Variants in DNAH9 observed in about 807,000 individuals in gnomAD.
The protein encoded by DNAH9 is DNAH9 variant protein.
Under a neutral mutation model 471.6 loss-of-function variants are expected in DNAH9, and 345 were observed. The ratio of observed to expected loss-of-function variants is 0.73; its 90% CI spans 0.67 to 0.80. The LOEUF is 0.80. DNAH9 is among the 30% of genes least tolerant of loss of function. DNAH9 has a pLI of 0.00. For synonymous variants in DNAH9, 2,093 were observed against 2,123.6 expected (o/e 0.99, Z 0.40); for missense variants, 5,407 against 5,609.2 (o/e 0.96, Z 1.15).
At chr17:11,693,837 T>G (rs1567723594) in intron 20 of DNAH9, 31 bp from the exon 21 acceptor site, 1 of 1,613,714 alleles carries the variant, frequency 6.2e-7, no homozygotes, top group East Asian at 2.2e-5. Context: ...AGTGGAGTGG[T>G]GGTTAATTGC....
At position 11,930,087 on chromosome 17, in the gene DNAH9, C is replaced by T. The variant is rs1346301350; in HGVS notation, c.12099C>T (p.Phe4033=). The T allele has an allele frequency of 6.2e-7, 1 of 1,613,566 alleles. No homozygotes were observed. The highest frequency in any genetic ancestry group is 1.1e-5 in the South Asian group (1 of 90,986). ...HANLHKALDN[F]TQDTLEMCSR... ...ACCTGCACAAGGCCCTGGACAACTT[C>T]ACTCAGGTACGGCCCCGGGAGGGAG... The change falls in exon 63 of 69, where the codon TTC becomes TTT. Residue 4033 remains phenylalanine (F), a synonymous_variant. Coordinates refer to ENST00000262442, the MANE Select transcript of DNAH9 (RefSeq NM_001372.4).
chr17:11,671,410 G>T (rs965916157), intron 17 of DNAH9, among the ~76,000 whole-genome samples: 4 of 152,308 alleles, frequency 2.6e-5, no homozygotes, highest in East Asian at 1.9e-4. Context: ...AAGCAGAGGG[G>T]GGGCAGAGAA....
At chr17:11,730,234 G>A (rs2075235336) in intron 28 of DNAH9, among the ~76,000 whole-genome samples, 1 of 152,138 alleles carries the variant, frequency 6.6e-6, no homozygotes, top group South Asian at 2.1e-4. Context: ...TGAAAGAGCT[G>A]GTTGTGTGCA....
intron 6 of DNAH9, 57 bp downstream of exon 6, chr17:11,619,838 G>A (rs1013227830): frequency 3.0e-6 from 3 of 1,010,880 alleles, no homozygotes; most frequent in Admixed American, 3.7e-5. Flanking sequence ...GCAGTCCAGG[G>A]GTCCAAAAAG....
intron 45 of DNAH9, among the ~76,000 whole-genome samples, chr17:11,815,634 CAA>C (rs1412210845): frequency 6.6e-6 from 1 of 152,044 alleles, no homozygotes; most frequent in African/African-American, 2.4e-5. Flanking sequence ...ATGAAAAGTA[CAA>C]AGAGTATCGG....
intron 6 of DNAH9, among the ~76,000 whole-genome samples, chr17:11,629,171 A>G (rs189872473): frequency 1.3e-3 from 192 of 151,374 alleles, no homozygotes; most frequent in African/African-American, 4.3e-3. Context: ...ATATGTATAC[A>G]TGTGCCATGT....
At chr17:11,750,173 C>T (rs562974445) in intron 32 of DNAH9, among the ~76,000 whole-genome samples, 1 of 152,098 alleles carries the variant, frequency 6.6e-6, no homozygotes, top group African/African-American at 2.4e-5. Flanking sequence ...TGGCTCATTC[C>T]TATAATCCCA....
At chr17:11,897,143 A>G (rs1157719156) in intron 59 of DNAH9, among the ~76,000 whole-genome samples, 1 of 152,250 alleles carries the variant, frequency 6.6e-6, no homozygotes, top group Non-Finnish European at 1.5e-5. Flanking sequence ...CAATACAGCC[A>G]AAATATTATC....
At chr17:11,687,489 T>C (rs2074260022) in intron 19 of DNAH9, among the ~76,000 whole-genome samples, 1 of 152,178 alleles carries the variant, frequency 6.6e-6, no homozygotes, top group Non-Finnish European at 1.5e-5. Flanking sequence ...AGAGTTTGTA[T>C]GTCATTTTCT....
chr17:11,966,909 CCTG>C (rs1191900643), intron 68 of DNAH9, among the ~76,000 whole-genome samples: 1 of 151,406 alleles, frequency 6.6e-6, no homozygotes, highest in Non-Finnish European at 1.5e-5. Context: ...GTGGCACACA[CCTG>C]GAGTCCCAGC....
intron 38 of DNAH9, among the ~76,000 whole-genome samples, chr17:11,777,805 C>T (rs1474971377): frequency 2.6e-5 from 4 of 152,152 alleles, no homozygotes; most frequent in Non-Finnish European, 5.9e-5. Context: ...ACAGCTCTCT[C>T]CCACCTAATA....
intron 1 of DNAH9, among the ~76,000 whole-genome samples, chr17:11,606,468 G>C (rs1241383558): frequency 3.6e-4 from 1 of 2,778 alleles, no homozygotes. Flanking sequence ...TTTTTTTTTT[G>C]AGACAGAGTC....
In DNAH9 at chr17:11,804,764, C is replaced by T. The variant is rs532486357; in HGVS notation, c.8421-2968C>T. On this transcript the variant is annotated intron_variant, in intron 43 of 68. Coordinates refer to ENST00000262442, the MANE Select transcript of DNAH9 (RefSeq NM_001372.4). The stretch of plus-strand genomic sequence containing the variant: ...TGGCAGGCACCTGTAGTCCCAGCTA[C>T]TCGGGAGGCTGAGGAAGGGGAATGG... 3.8e-3 allele frequency among the ~76,000 whole-genome samples: 577 copies of T among 151,972 alleles called. 4 individuals carry two copies. The highest frequency in any genetic ancestry group is 0.013 in the African/African-American group (532 of 41,448).
rs748933478 is a variant in DNAH9 at position 11,727,899 on chromosome 17, G to C, written c.5791G>C (p.Val1931Leu). The change falls in exon 28 of 69, where the codon GTC becomes CTC. Residue 1931 changes from valine (V) to leucine (L), a missense_variant. Around this residue, in one of 3 missense-constraint regions of DNAH9, gnomAD observed 4,636 missense variants for 4,900.3 expected, o/e 0.95. Transcript: ENST00000262442. ...TGAGTTTAATCGAATCTCCGTGGAG[G>C]TCTTGTCAGTGGTGGCAGTGCAGGT... The part of the protein sequence containing the change: ...FDEFNRISVE[V>L]LSVVAVQVKS... 5 of 1,613,906 alleles carry C rather than the reference G, an allele frequency of 3.1e-6. No homozygotes were observed. The highest frequency in any genetic ancestry group is 4.2e-6 in the Non-Finnish European group (5 of 1,179,792).
intron 44 of DNAH9, among the ~76,000 whole-genome samples, chr17:11,809,515 C>G (rs1020935003): frequency 2.6e-5 from 4 of 151,802 alleles, no homozygotes; most frequent in African/African-American, 9.7e-5. Flanking sequence ...TGCAGTGAGC[C>G]GAGATGGTGC....
intron 41 of DNAH9, among the ~76,000 whole-genome samples, chr17:11,792,726 A>G (rs1969107623): frequency 6.6e-6 from 1 of 152,228 alleles, no homozygotes; most frequent in Admixed American, 6.5e-5. Context: ...GTCAATTGTT[A>G]TCTGAATCAG....
At chr17:11,869,393 T>A in intron 51 of DNAH9, 140 bp downstream of exon 51, 1 of 1,268,654 alleles carries the variant, frequency 7.9e-7, no homozygotes. Flanking sequence ...AATGCAGGAA[T>A]TGAGTCCTGA....
At chr17:11,891,646 T>C in intron 57 of DNAH9, 131 bp from the exon 58 acceptor site, 9 of 1,062,638 alleles carry the variant, frequency 8.5e-6, no homozygotes, top group Non-Finnish European at 1.1e-5. Flanking sequence ...ATCACAGGCA[T>C]GAGCCACCGT....
At chr17:11,887,729 C>G (rs1972920790) in intron 57 of DNAH9, among the ~76,000 whole-genome samples, 1 of 119,328 alleles carries the variant, frequency 8.4e-6, no homozygotes, top group Non-Finnish European at 1.9e-5. Context: ...ATTTCACATA[C>G]ACACAGTCAC....
Sources: gnomAD v4.1 joint callset for allele counts (sites outside exome capture counted in the v4.1 genomes callset) on GRCh38, gnomAD v4.1.1 for gene constraint, gnomAD v4.1.1 regional missense constraint, MANE v1.5 for transcripts, NCBI Gene and HGNC (gene_info 2026-07-23, HGNC 2026-07-21) for gene names.